TTLL7: variants seen among roughly 807,000 people sequenced by gnomAD.
The protein encoded by TTLL7 is tubulin tyrosine ligase like 7.
Under a neutral mutation model 120.2 loss-of-function variants are expected in TTLL7, and 53 were observed. The observed-to-expected ratio is 0.44, with a 90% CI of 0.35 to 0.55. TTLL7 has a LOEUF of 0.55. Among genes scored for constraint, TTLL7 ranks in the 20% least tolerant of loss-of-function variants. TTLL7 has a pLI of 0.00. For missense variants in TTLL7, 803 were observed against 1,054.7 expected, an observed-to-expected ratio of 0.76 and a Z score of 3.31; for synonymous variants, 353 against 351.7, an observed-to-expected ratio of 1.00 and a Z score of -0.04.
In TTLL7 at chr1:83,892,407, TATATATGAAC is replaced by T. The variant is rs1557563475; in HGVS notation, c.2209-1936_2209-1927del. ...ATATATATACGAATATATATGAACA[TATATATGAAC>T]ATATATATGAACATATATATGAACA... is the stretch of plus-strand genomic sequence containing the variant. On this transcript the variant is annotated intron_variant, in intron 18 of 20. Transcript: ENST00000260505. Among the ~76,000 whole-genome samples the T allele has an allele frequency of 5.3e-4, 68 of 127,248 alleles. 10 individuals are homozygous for T. Among genetic ancestry groups the T allele is most frequent in the South Asian group, 7.3e-4 (3 of 4,134 alleles). The allele number at this position is 127,248 out of a possible 152,430, so 83.5% of individuals were successfully genotyped here.
rs191299236 is a variant in TTLL7 at position 83,930,814 on chromosome 1, T to C, written c.1048-1584A>G. Among the ~76,000 whole-genome samples, 87 of 152,226 alleles carry C rather than the reference T, an allele frequency of 5.7e-4. 1 individual carries two copies. Among genetic ancestry groups the C allele is most frequent in the Admixed American group, 1.7e-3 (26 of 15,274 alleles). On this transcript the variant is annotated intron_variant, in intron 9 of 20. Coordinates refer to ENST00000260505, the MANE Select transcript of TTLL7 (RefSeq NM_024686.6). ...GCATATCCCTCCTCCAGGATGGTAC[T>C]GAGGTCTTGGTATAAAGCCATCTCA...
At chr1:83,956,327 G>C (rs1649510776) in intron 1 of TTLL7, among the ~76,000 whole-genome samples, 1 of 150,804 alleles carries the variant, frequency 6.6e-6, no homozygotes, top group Non-Finnish European at 1.5e-5. Context: ...GTCTCACTAT[G>C]TTGACCAGGC....
At position 83,967,949 on chromosome 1, in the gene TTLL7, T is replaced by G. The variant is rs573851463; in HGVS notation, c.-176-15562A>C. Among the ~76,000 whole-genome samples the G allele has an allele frequency of 2.6e-5, 4 of 152,184 alleles. No individual in the cohort carries two copies. In the South Asian group the frequency reaches 8.3e-4, roughly 32 times the overall value. ...GGCATACAAGAAAGGAAGACACTTTTATTCAAGAAAAACTATTGAACCTGG... is the reference window on the plus strand; with the variant it reads ...GGCATACAAGAAAGGAAGACACTTTGATTCAAGAAAAACTATTGAACCTGG... On this transcript the variant is annotated intron_variant, in intron 1 of 20. Transcript: ENST00000260505.
At chr1:83,991,969 T>C (rs1196005339) in intron 1 of TTLL7, among the ~76,000 whole-genome samples, 1 of 152,182 alleles carries the variant, frequency 6.6e-6, no homozygotes, top group Non-Finnish European at 1.5e-5. Context: ...TATGGAAGTA[T>C]ATGCCCTACT....
At chr1:83,987,350 G>A (rs996730288) in intron 1 of TTLL7, among the ~76,000 whole-genome samples, 2 of 152,102 alleles carry the variant, frequency 1.3e-5, no homozygotes, top group African/African-American at 4.8e-5. Flanking sequence ...TCCATGGATT[G>A]AAAGAAGCAA....
chr1:83,986,935 G>C (rs1057498794), intron 1 of TTLL7, among the ~76,000 whole-genome samples: 12 of 152,054 alleles, frequency 7.9e-5, no homozygotes, highest in African/African-American at 2.9e-4. Flanking sequence ...AATAAAGCAA[G>C]AAAAATGAAG....
intron 19 of TTLL7, among the ~76,000 whole-genome samples, chr1:83,888,064 G>T (rs1037447434): frequency 6.6e-6 from 1 of 151,912 alleles, no homozygotes; most frequent in Non-Finnish European, 1.5e-5. Flanking sequence ...AATAGTTCAG[G>T]AAAGAGGAAC....
chr1:83,937,249 G>A (rs1010432324), intron 8 of TTLL7, among the ~76,000 whole-genome samples: 3 of 151,188 alleles, frequency 2.0e-5, no homozygotes, highest in Non-Finnish European at 2.9e-5. Flanking sequence ...TGTTGCCCAG[G>A]CTGGAGTGTA....
At position 83,890,438 on chromosome 1, in the gene TTLL7, C is replaced by T. The variant is rs368937222; in HGVS notation, c.2252G>A (p.Arg751His). 4.7e-5 allele frequency: 75 copies of T among 1,612,416 alleles called. No homozygotes were observed. The highest frequency in any genetic ancestry group is 5.2e-5 in the Non-Finnish European group (61 of 1,179,150). Reference sequence around the variant, plus strand: ...TTCAACATCAGGCACCTTCCAGATGCGTGGAAGAACTGTACGAATACTTGT... The same window carrying T: ...TTCAACATCAGGCACCTTCCAGATGTGTGGAAGAACTGTACGAATACTTGT... ...VKTSIRTVLP[R>H]IWKVPDVEEV... is the part of the protein sequence containing the mutation. The change falls in exon 19 of 21, where the codon CGC (arginine) becomes CAC (histidine). Residue 751 changes from arginine to histidine, a missense_variant. Coordinates refer to ENST00000260505, the MANE Select transcript of TTLL7 (RefSeq NM_024686.6).
chr1:83,945,555 A>G (rs532246), intron 6 of TTLL7, among the ~76,000 whole-genome samples: 124,282 of 152,144 alleles, frequency 0.82, 51,456 homozygotes, highest in African/African-American at 0.95. Context: ...AAAATAACAA[A>G]ACACATTAGC....
At chr1:83,955,181 T>C (rs2100870002) in intron 1 of TTLL7, among the ~76,000 whole-genome samples, 1 of 152,308 alleles carries the variant, frequency 6.6e-6, no homozygotes, top group African/African-American at 2.4e-5. Flanking sequence ...TTTCTCCCTC[T>C]TTTGGGCTAT....
At chr1:83,966,612 A>T (rs527705280) in intron 1 of TTLL7, among the ~76,000 whole-genome samples, 8 of 152,040 alleles carry the variant, frequency 5.3e-5, no homozygotes, top group Non-Finnish European at 1.2e-4. Flanking sequence ...GGATGAAGAC[A>T]GTTGTATAAA....
At chr1:83,913,868 A>T (rs745549816) in intron 14 of TTLL7, among the ~76,000 whole-genome samples, 13 of 152,182 alleles carry the variant, frequency 8.5e-5, no homozygotes, top group Non-Finnish European at 1.8e-4. Context: ...ATATAAGACA[A>T]TATAAAGCTG....
intron 10 of TTLL7, among the ~76,000 whole-genome samples, chr1:83,924,115 TG>T (rs1237256356): frequency 6.6e-6 from 1 of 152,116 alleles, no homozygotes; most frequent in African/African-American, 2.4e-5. Flanking sequence ...GATATGGCCC[TG>T]GGGATACAAA....
intron 2 of TTLL7, 61 bp from the exon 3 acceptor site, chr1:83,952,037 C>A (rs1015061865): frequency 1.9e-6 from 3 of 1,551,140 alleles, no homozygotes; most frequent in Non-Finnish European, 2.6e-6. Context: ...CCAGACAACA[C>A]AAATACCACC....
chr1:83,918,428 T>G (rs1393399892), intron 13 of TTLL7, among the ~76,000 whole-genome samples: 2 of 152,178 alleles, frequency 1.3e-5, no homozygotes, highest in African/African-American at 4.8e-5. Flanking sequence ...CATTTAGTTA[T>G]TTAAGAAAGG....
rs906555265 is a variant in TTLL7, at chr1:83,866,990, T to A, written c.*2972A>T. 4.6e-5 allele frequency: 7 copies of A among 151,978 alleles called. No homozygotes were observed. The highest frequency in any genetic ancestry group is 4.4e-5 in the Non-Finnish European group (3 of 67,850). The allele number at this position is 151,978 out of a possible 1,614,324, so 9.4% of individuals were successfully genotyped here. A position where few individuals can be genotyped will look rare whatever the true frequency, so the allele number is the denominator to read the frequency against. On this transcript the variant is annotated 3_prime_UTR_variant, in exon 21 of 21. Coordinates refer to ENST00000260505, the MANE Select transcript of TTLL7 (RefSeq NM_024686.6). ...GCATTCCAATCTTAGATTTACTGAA[T>A]GAGCAGGGATATGTTTTTCTATAGC... is the stretch of plus-strand genomic sequence containing the variant.
chr1:83,897,041 T>G (rs1656283704), intron 18 of TTLL7, among the ~76,000 whole-genome samples: 1 of 152,080 alleles, frequency 6.6e-6, no homozygotes. Context: ...AGGATTTAAT[T>G]CCCATACCCT....
chr1:83,944,366 A>T, intron 6 of TTLL7, among the ~76,000 whole-genome samples: 1 of 152,334 alleles, frequency 6.6e-6, no homozygotes, highest in East Asian at 1.9e-4. Context: ...TATATACATT[A>T]TAATCAAATT....
Sources: allele counts gnomAD v4.1 joint callset (sites outside exome capture counted in the v4.1 genomes callset), GRCh38; gene constraint gnomAD v4.1.1; transcripts MANE v1.5; gene names NCBI Gene and HGNC (gene_info 2026-07-23, HGNC 2026-07-21).